DDX17: variants seen among roughly 807,000 people sequenced by gnomAD.
DDX17 encodes the protein probable ATP-dependent RNA helicase DDX17.
DDX17 carries 10 observed loss-of-function variants against 80.8 expected under a neutral mutation model. That is an observed-to-expected ratio of 0.12 (90% confidence interval 0.08 to 0.21). The LOEUF is 0.21. Ranked by LOEUF, DDX17 falls within the 10% of genes least tolerant of loss-of-function variation. The pLI is 1.00. For missense variants in DDX17, 586 were observed against 957.4 expected (o/e 0.61, Z 5.12); for synonymous variants, 339 against 336.2 (o/e 1.01, Z -0.09).
intron 11 of DDX17, chr22:38,490,797 C>A: frequency 4.9e-6 from 1 of 204,826 alleles, no homozygotes; most frequent in Non-Finnish European, 1.0e-5. Context: ...CCAAAACAAG[C>A]ACTGATGTTG....
intron 8 of DDX17, 121 bp downstream of exon 8, chr22:38,494,509 C>A (rs754635178): frequency 3.3e-5 from 28 of 853,832 alleles, no homozygotes; most frequent in Non-Finnish European, 5.0e-5. Context: ...TATCAGAAAC[C>A]TAGCAATGCT....
chr22:38,505,801 C>T (rs1295160131), intron 1 of DDX17, 150 bp downstream of exon 1: 2 of 1,028,000 alleles, frequency 1.9e-6, no homozygotes, highest in Admixed American at 2.9e-5. Flanking sequence ...GGCCGAGGTC[C>T]GCGCACGAAA....
At position 38,489,810 on chromosome 22, in the gene DDX17, A is replaced by G; in HGVS notation, c.1448-1695T>C. 1.0e-6 allele frequency: 1 copy of G among 985,630 alleles called. No homozygotes were observed. Among genetic ancestry groups the G allele is most frequent in the Non-Finnish European group, 1.2e-6 (1 of 830,138 alleles). 61.1% of individuals were successfully genotyped at this position (985,630 alleles called of 1,614,324 possible). On this transcript the variant is annotated intron_variant, in intron 11 of 12. Transcript: ENST00000403230. This position sits in a 1 kb window ranked among gnomAD's most constrained non-coding sequence, Gnocchi z 4.6. ...GCTAGGGTCGTTGACGCAACAAAGG[A>G]AAAAAGAATTTACAGGGCCAGGGTG...
chr22:38,501,032 T>C, intron 2 of DDX17, 98 bp downstream of exon 2: 2 of 1,399,382 alleles, frequency 1.4e-6, no homozygotes, highest in Non-Finnish European at 1.9e-6. Flanking sequence ...CACACTAGAA[T>C]AAAATGTAAA....
chr22:38,490,190 G>C, intron 11 of DDX17: 1 of 1,199,114 alleles, frequency 8.3e-7, no homozygotes, highest in Admixed American at 3.6e-5. Context: ...TCTGTGCACT[G>C]CCACAATATT....
chr22:38,488,074 T>C lies in DDX17; in HGVS notation c.1489A>G (p.Asn497Asp). The stretch of plus-strand genomic sequence containing the variant: ...CGGTGCACATAATCCTCTGAGCTGT[T>C]TGGATAGTCATAGTTGATCACAAAC... The change falls in exon 12 of 13, where the codon AAC (asparagine) becomes GAC (aspartate). Residue 497 changes from asparagine to aspartate, a missense_variant. Transcript: ENST00000403230. The C allele has an allele frequency of 6.2e-7, 1 of 1,614,222 alleles. No individual in the cohort carries two copies. The highest frequency in any genetic ancestry group is 8.5e-7 in the Non-Finnish European group (1 of 1,180,046).
At chr22:38,486,985 T>A (rs1044726354) in intron 12 of DDX17, among the ~76,000 whole-genome samples, 1 of 152,138 alleles carries the variant, frequency 6.6e-6, no homozygotes, top group Non-Finnish European at 1.5e-5. Flanking sequence ...CCAGCCAACA[T>A]GGTGAAACCC....
intron 3 of DDX17, 73 bp from the exon 4 acceptor site, chr22:38,498,646 T>C: frequency 1.3e-6 from 2 of 1,524,060 alleles, no homozygotes; most frequent in East Asian, 2.3e-5. Context: ...AAAAAACTTT[T>C]AAGCTCACTG....
At chr22:38,498,175 A>C in intron 4 of DDX17, 25 bp from the exon 5 acceptor site, 1 of 1,608,648 alleles carries the variant, frequency 6.2e-7, no homozygotes, top group Non-Finnish European at 8.5e-7. Context: ...AAGAATGACA[A>C]CCTTACGCTT....
rs371617915 is a variant in DDX17, at chr22:38,502,132, CG to C, written c.288-853del. Among the ~76,000 whole-genome samples the C allele has an allele frequency of 6.3e-4, 96 of 152,282 alleles. No homozygotes were observed. In the East Asian group the frequency reaches 0.016, roughly 25 times the overall value. On this transcript the variant is annotated intron_variant, in intron 1 of 12. Transcript: ENST00000403230. Reference sequence around the variant, plus strand: ...ACGCTAATAAAAGAGCTGAGCCTGCCGGGGGCAGTGGCTCAGTCCTGTAATC... The same window carrying C: ...ACGCTAATAAAAGAGCTGAGCCTGCCGGGGCAGTGGCTCAGTCCTGTAATC...
At position 38,501,134 on chromosome 22, in the gene DDX17, G is replaced by A; in HGVS notation, c.434C>T (p.Thr145Ile). 2 of 1,613,664 alleles carry A rather than the reference G, an allele frequency of 1.2e-6. No homozygotes were observed. Among genetic ancestry groups the A allele is most frequent in the Non-Finnish European group, 1.7e-6 (2 of 1,179,912 alleles). The change falls in exon 2 of 13, where the codon ACA becomes ATA. Residue 145 changes from threonine (T) to isoleucine (I), a missense_variant. This residue lies in a region of DDX17 where 215 missense variants were observed against 238.4 expected (regional missense o/e 0.90). Coordinates refer to ENST00000403230, the MANE Select transcript of DDX17 (RefSeq NM_006386.5). ...AAAACACACATGTAAACTTACTGGT[G>A]TCAGCCTTGCTACTTCCGGATGTTC... is the stretch of plus-strand genomic sequence containing the variant.
chr22:38,498,907 C>T (rs984597997), intron 3 of DDX17, among the ~76,000 whole-genome samples: 6 of 152,048 alleles, frequency 3.9e-5, no homozygotes, highest in Non-Finnish European at 8.8e-5. Context: ...TCCAGCTACT[C>T]GGGAGGGTGA....
At position 38,489,756 on chromosome 22, in the gene DDX17, C is replaced by T. The variant is rs2089694717; in HGVS notation, c.1448-1641G>A. The T allele has an allele frequency of 1.0e-6, 1 of 985,406 alleles. No homozygotes were observed. Among genetic ancestry groups the T allele is most frequent in the Non-Finnish European group, 1.2e-6 (1 of 830,010 alleles). The allele number at this position is 985,406 out of a possible 1,614,324, so 61.0% of individuals were successfully genotyped here. The stretch of plus-strand genomic sequence containing the variant: ...ATCACACCAGAAAGACGAGAAGGCA[C>T]TTATCACAGGGGGCAGCTTGAGTCT... On this transcript the variant is annotated intron_variant, in intron 11 of 12. Transcript: ENST00000403230. The surrounding 1 kb of genome is among the most constrained non-coding windows in gnomAD (Gnocchi z 4.6).
intron 10 of DDX17, among the ~76,000 whole-genome samples, chr22:38,493,025 A>G (rs1034772478): frequency 6.6e-6 from 1 of 152,208 alleles, no homozygotes; most frequent in Admixed American, 6.5e-5. Flanking sequence ...GTTGTGAAAA[A>G]GTTTAAAGAG....
At chr22:38,491,632 ATC>A (rs2145692270) in intron 11 of DDX17, 1 of 158,978 alleles carries the variant, frequency 6.3e-6, no homozygotes, top group East Asian at 1.8e-4. Context: ...CTCTGTATAT[ATC>A]TAGCTTAGAC....
In DDX17 at chr22:38,499,387, G is replaced by A. The variant is rs747466548; in HGVS notation, c.538+13C>T. The A allele has an allele frequency of 3.1e-6, 5 of 1,601,510 alleles. No homozygotes were observed. In the African/African-American group the frequency reaches 6.7e-5, roughly 21 times the overall value. ...ATTTAACAAATTAAGGTTCTAGATT[G>A]AAGAACACTTACGTGGGAAGTTAGC... On this transcript the variant is annotated intron_variant, in intron 3 of 12. Transcript: ENST00000403230.
intron 1 of DDX17, among the ~76,000 whole-genome samples, chr22:38,504,489 G>C (rs900884247): frequency 2.0e-5 from 3 of 152,142 alleles, no homozygotes; most frequent in African/African-American, 4.8e-5. Flanking sequence ...AACTTTCCTA[G>C]ATAATCTCAA....
intron 1 of DDX17, among the ~76,000 whole-genome samples, chr22:38,503,892 C>A (rs1191332629): frequency 1.3e-5 from 2 of 152,168 alleles, no homozygotes; most frequent in Non-Finnish European, 2.9e-5. Context: ...AAGAACATTT[C>A]TTGGGAAAGG....
intron 12 of DDX17, 97 bp downstream of exon 12, chr22:38,487,782 C>T (rs2089674917): frequency 7.9e-7 from 1 of 1,270,494 alleles, no homozygotes. Context: ...AAGCAACATA[C>T]TTACAGCCTT....
Sources: gnomAD v4.1 joint callset for allele counts (sites outside exome capture counted in the v4.1 genomes callset) on GRCh38, gnomAD v4.1.1 for gene constraint, gnomAD v4.1.1 regional missense constraint, Gnocchi (gnomAD v3.1) non-coding constraint, MANE v1.5 for transcripts, NCBI Gene and HGNC (gene_info 2026-07-23, HGNC 2026-07-21) for gene names.